SCN9A: variants seen among roughly 807,000 people sequenced by gnomAD.
The protein encoded by SCN9A is sodium voltage-gated channel alpha subunit 9, also known as sodium channel protein type 9 subunit alpha.
SCN9A carries 131 observed loss-of-function variants against 187.0 expected under a neutral mutation model. The ratio of observed to expected loss-of-function variants is 0.70; its 90% confidence interval spans 0.61 to 0.81. The LOEUF (loss-of-function observed/expected upper bound fraction) is 0.81, where lower values mean the gene tolerates loss of function less well. Ranked by LOEUF, SCN9A falls within the 30% of genes least tolerant of loss-of-function variation. The pLI, the probability that SCN9A is intolerant of heterozygous loss-of-function variation, is 0.00. For synonymous variants in SCN9A, 809 were observed against 808.6 expected (o/e 1.00, Z -0.01); for missense variants, 2,252 against 2,396.6 (o/e 0.94, Z 1.26).
intron 20 of SCN9A, among the ~76,000 whole-genome samples, chr2:166,234,195 T>C (rs555019266): frequency 6.6e-6 from 1 of 152,304 alleles, no homozygotes; most frequent in South Asian, 2.1e-4. Flanking sequence ...AGAAAGAACA[T>C]GAACAGCAAT....
chr2:166,309,076 G>C (rs537898453), intron 2 of SCN9A, among the ~76,000 whole-genome samples: 50 of 151,978 alleles, frequency 3.3e-4, no homozygotes, highest in African/African-American at 1.2e-3. Flanking sequence ...ACTAATATAA[G>C]GCAAGATGTG....
chr2:166,284,527 G>A lies in SCN9A; in HGVS notation c.1900C>T (p.Arg634Cys), dbSNP rs371543591. 4.3e-5 allele frequency: 69 copies of A among 1,613,960 alleles called. No individual in the cohort carries two copies. The highest frequency in any genetic ancestry group is 5.3e-5 in the Non-Finnish European group (63 of 1,179,978). The change falls in exon 12 of 27, where the codon CGC (arginine) becomes TGC (cysteine). Residue 634 changes from arginine to cysteine, a missense_variant. Around this residue, in one of 7 missense-constraint regions of SCN9A, gnomAD observed 1,013 missense variants for 997.4 expected, o/e 1.02. Coordinates refer to ENST00000642356, the MANE Select transcript of SCN9A (RefSeq NM_001365536.1). ...CCATTGGGGAGCATGAGGGCTGAGC[G>A]TCCATCAACCAGGGAGACCACACCG... ...CNGVVSLVDG[R>C]SALMLPNGQL... is the part of the protein sequence containing the mutation.
intron 1 of SCN9A, among the ~76,000 whole-genome samples, chr2:166,357,154 A>G (rs1355402847): frequency 1.3e-5 from 2 of 151,912 alleles, no homozygotes; most frequent in Non-Finnish European, 2.9e-5. Context: ...TGTTGTTCCC[A>G]CCTATGTGTC....
intron 1 of SCN9A, among the ~76,000 whole-genome samples, chr2:166,323,722 T>C (rs1289742236): frequency 6.6e-6 from 1 of 152,096 alleles, no homozygotes; most frequent in Non-Finnish European, 1.5e-5. Context: ...TCAGTTAGAG[T>C]ATGTGCATAT....
At chr2:166,232,608 T>C (rs1695130077) in intron 21 of SCN9A, among the ~76,000 whole-genome samples, 1 of 151,920 alleles carries the variant, frequency 6.6e-6, no homozygotes, top group Admixed American at 6.6e-5. Flanking sequence ...ACAGGGAAGA[T>C]TTCCATTTAA....
chr2:166,353,009 G>GT lies in SCN9A; in HGVS notation c.-51+22687dup, dbSNP rs10638743. Among the ~76,000 whole-genome samples the GT allele has an allele frequency of 5.8e-3, 865 of 148,054 alleles. 11 individuals carry two copies. Among genetic ancestry groups the GT allele is most frequent in the African/African-American group, 0.019 (754 of 40,472 alleles). On this transcript the variant is annotated intron_variant, in intron 1 of 26. Coordinates refer to ENST00000642356, the MANE Select transcript of SCN9A (RefSeq NM_001365536.1). ...GGATCGATATCTTTCCATTGTATCT[G>GT]TTTTTTTTTTAATTTCTTTCTTATT...
intron 1 of SCN9A, among the ~76,000 whole-genome samples, chr2:166,360,354 AGTCTTATCTGTACAGCAT>A (rs1700254388): frequency 6.6e-6 from 1 of 152,122 alleles, no homozygotes; most frequent in Non-Finnish European, 1.5e-5. Context: ...AAATTCATAA[AGTCTTATCTGTACAGCAT>A]GTATAAAGGA....
chr2:166,315,268 A>C (rs1160080165), intron 1 of SCN9A, among the ~76,000 whole-genome samples: 1 of 152,180 alleles, frequency 6.6e-6, no homozygotes, highest in African/African-American at 2.4e-5. Flanking sequence ...ACTGGAGGGT[A>C]CCATCTCTTT....
At chr2:166,236,713 G>A (rs1337597750) in intron 20 of SCN9A, among the ~76,000 whole-genome samples, 2 of 152,128 alleles carry the variant, frequency 1.3e-5, no homozygotes, top group Admixed American at 6.6e-5. Flanking sequence ...GTGAGCTACC[G>A]CGCCTGGCCA....
At chr2:166,248,866 C>T (rs76547772) in intron 18 of SCN9A, among the ~76,000 whole-genome samples, 20,487 of 151,720 alleles carry the variant, frequency 0.14, 1,758 homozygotes, top group East Asian at 0.34. Flanking sequence ...AATGGGGTTT[C>T]GCTACGTTGG....
In SCN9A at chr2:166,358,774, A is replaced by G. The variant is rs188784746; in HGVS notation, c.-51+16923T>C. ...GTGTGATGACTGGGTTTTCACATGC[A>G]TATGTGAGATATTCCTCCCTCAAAC... On this transcript the variant is annotated intron_variant, in intron 1 of 26. Transcript: ENST00000642356. Among the ~76,000 whole-genome samples the G allele has an allele frequency of 4.7e-4, 71 of 152,280 alleles. No individual in the cohort carries two copies. The East Asian group carries it at 0.012, about 25-fold the overall frequency.
intron 11 of SCN9A, 100 bp from the exon 12 acceptor site, chr2:166,284,924 C>T: frequency 3.1e-6 from 4 of 1,270,286 alleles, no homozygotes; most frequent in Non-Finnish European, 4.2e-6. Flanking sequence ...GGGCAGGTGG[C>T]TCTGTACTGA....
intron 1 of SCN9A, among the ~76,000 whole-genome samples, chr2:166,332,228 TAGCC>T (rs1374137932): frequency 1.3e-5 from 2 of 152,186 alleles, no homozygotes; most frequent in East Asian, 3.8e-4. Flanking sequence ...ACCAGTAGTC[TAGCC>T]AGCTGGGTCT....
Position 166,198,646 on chromosome 2 carries a change from G to T in SCN9A, c.*26C>A. On this transcript the variant is annotated 3_prime_UTR_variant, in exon 27 of 27. Transcript: ENST00000642356. ...CACAAATAAATCACTTTCACAGGCT[G>T]TAAACAATATATCAAAAATGAAGCT... 6.7e-7 allele frequency: 1 copy of T among 1,497,778 alleles called. No homozygotes were observed. 92.8% of individuals were successfully genotyped at this position (1,497,778 alleles called of 1,614,324 possible). A position where few individuals can be genotyped will look rare whatever the true frequency, so the allele number is the denominator to read the frequency against.
intron 6 of SCN9A, 38 bp from the exon 7 acceptor site, chr2:166,303,340 A>G (rs760410743): frequency 6.5e-7 from 1 of 1,535,546 alleles, no homozygotes; most frequent in South Asian, 1.2e-5. Flanking sequence ...AATGACATAA[A>G]GCCTCTGAAT....
chr2:166,271,421 G>A (rs1462805175), intron 17 of SCN9A, among the ~76,000 whole-genome samples: 1 of 152,122 alleles, frequency 6.6e-6, no homozygotes, highest in Non-Finnish European at 1.5e-5. Context: ...GAAATCCCAA[G>A]CAAAGTGTGG....
intron 1 of SCN9A, among the ~76,000 whole-genome samples, chr2:166,334,054 A>C (rs1699572634): frequency 1.3e-5 from 2 of 152,108 alleles, no homozygotes; most frequent in Non-Finnish European, 2.9e-5. Context: ...TATGAGCAAG[A>C]AATAAGTAGT....
intron 17 of SCN9A, among the ~76,000 whole-genome samples, chr2:166,268,462 T>C (rs1022250503): frequency 1.3e-5 from 2 of 151,842 alleles, no homozygotes; most frequent in Admixed American, 1.3e-4. Context: ...AAAGAGGGAA[T>C]TCACAGTTCA....
chr2:166,358,033 C>CA (rs1700191513), intron 1 of SCN9A, among the ~76,000 whole-genome samples: 3 of 137,206 alleles, frequency 2.2e-5, no homozygotes, highest in Non-Finnish European at 3.2e-5. Context: ...GGGAATAAAA[C>CA]TTTTATTTAT....
Sources: gnomAD v4.1 joint callset for allele counts (sites outside exome capture counted in the v4.1 genomes callset) on GRCh38, gnomAD v4.1.1 for gene constraint, gnomAD v4.1.1 regional missense constraint, MANE v1.5 for transcripts, NCBI Gene and HGNC (gene_info 2026-07-23, HGNC 2026-07-21) for gene names.